The following RYR2 variants were observed in gnomAD, a reference collection of about 807,000 sequenced individuals.
RYR2 encodes the protein ryanodine receptor 2.
Under a neutral mutation model 601.1 loss-of-function variants are expected in RYR2, and 227 were observed. The ratio of observed to expected loss-of-function variants is 0.38; its 90% confidence interval spans 0.34 to 0.42. The LOEUF (loss-of-function observed/expected upper bound fraction) is 0.42. RYR2 is among the 10% of genes least tolerant of loss of function. The pLI, the probability that RYR2 is intolerant of heterozygous loss-of-function variation, is 1.00. For missense variants in RYR2, 4,646 were observed against 6,156.5 expected (o/e 0.75, Z 8.21); for synonymous variants, 2,223 against 2,175.1 (o/e 1.02, Z -0.61).
intron 19 of RYR2, among the ~76,000 whole-genome samples, chr1:237,495,805 A>C (rs1294620562): frequency 6.6e-6 from 1 of 152,148 alleles, no homozygotes; most frequent in Non-Finnish European, 1.5e-5. Flanking sequence ...GCTTAGGAAA[A>C]TTTCTCCATG....
intron 29 of RYR2, among the ~76,000 whole-genome samples, chr1:237,573,629 G>A (rs1386955612): frequency 2.0e-5 from 3 of 150,122 alleles, no homozygotes; most frequent in Non-Finnish European, 4.5e-5. Context: ...TGGCTAACAC[G>A]GTGAAACCCT....
intron 85 of RYR2, among the ~76,000 whole-genome samples, chr1:237,771,608 G>T (rs1694280622): frequency 6.6e-6 from 1 of 152,010 alleles, no homozygotes; most frequent in South Asian, 2.1e-4. Flanking sequence ...CCTGAAGGCA[G>T]GAACTCCATC....
chr1:237,614,673 A>G lies in RYR2; in HGVS notation c.5545A>G (p.Ser1849Gly). Residue 1849 changes from serine to glycine, a missense_variant, in exon 37 of 105, where the codon AGT becomes GGT. Around this residue, in one of 17 missense-constraint regions of RYR2, gnomAD observed 1,807 missense variants for 2,088.1 expected, o/e 0.87. Coordinates refer to ENST00000366574, the MANE Select transcript of RYR2 (RefSeq NM_001035.3). The surrounding 1 kb of genome is among the most constrained non-coding windows in gnomAD (Gnocchi z 4.3). The stretch of plus-strand genomic sequence containing the variant: ...GCACATCTTGCAGTTGATTGAGCCC[A>G]GTGTGTTTAAAGAAGCTGCCACTCC... ...LKHILQLIEPSVFKEAATPEE... is the reference protein window; with the variant it reads ...LKHILQLIEPGVFKEAATPEE... The G allele has an allele frequency of 6.2e-7, 1 of 1,614,020 alleles. No homozygotes were observed. The highest frequency in any genetic ancestry group is 1.1e-5 in the South Asian group (1 of 91,088).
chr1:237,415,802 G>A (rs943025844), intron 10 of RYR2, among the ~76,000 whole-genome samples: 14 of 152,166 alleles, frequency 9.2e-5, no homozygotes, highest in Admixed American at 6.5e-4. Flanking sequence ...AAACATCTGT[G>A]AGGCAATTTG....
intron 4 of RYR2, among the ~76,000 whole-genome samples, chr1:237,363,532 T>A (rs1207299257): frequency 6.6e-6 from 1 of 152,100 alleles, no homozygotes. Flanking sequence ...TATGGTATCT[T>A]TTCTCCATAG....
chr1:237,648,689 C>T (rs1218529309), intron 49 of RYR2, 76 bp downstream of exon 49: 1 of 1,426,794 alleles, frequency 7.0e-7, no homozygotes, highest in African/African-American at 1.4e-5. Flanking sequence ...TTTATATATC[C>T]ATTCATTAAT....
At chr1:237,397,139 G>A (rs1572135875) in intron 10 of RYR2, among the ~76,000 whole-genome samples, 1 of 151,918 alleles carries the variant, frequency 6.6e-6, no homozygotes, top group East Asian at 1.9e-4. Flanking sequence ...TTGGGTGGCT[G>A]AGACAGGAGA....
At chr1:237,193,352 A>C (rs1439761610) in intron 1 of RYR2, among the ~76,000 whole-genome samples, 1 of 152,160 alleles carries the variant, frequency 6.6e-6, no homozygotes, top group East Asian at 1.9e-4. Flanking sequence ...CTGTAGTCCC[A>C]GCTACTCGGG....
At chr1:237,801,968 T>C in intron 98 of RYR2, 52 bp downstream of exon 98, 1 of 1,100,360 alleles carries the variant, frequency 9.1e-7, no homozygotes, top group Non-Finnish European at 1.4e-6. Context: ...TAGATAAGAC[T>C]GTGGGAGTTC....
intron 70 of RYR2, among the ~76,000 whole-genome samples, chr1:237,710,051 C>G (rs997211570): frequency 6.6e-6 from 1 of 152,196 alleles, no homozygotes; most frequent in African/African-American, 2.4e-5. Context: ...AAGCTTCTTT[C>G]TACTGACAAT....
At position 237,651,162 on chromosome 1, in the gene RYR2, A is replaced by T. The variant is rs576893840; in HGVS notation, c.7734-249A>T. Among the ~76,000 whole-genome samples, 6 of 152,344 alleles carry T rather than the reference A, an allele frequency of 3.9e-5. No individual in the cohort carries two copies. The South Asian group carries it at 1.2e-3, about 32-fold the overall frequency. On this transcript the variant is annotated intron_variant, in intron 50 of 104. Transcript: ENST00000366574. ...AGTGGTTAGGAAAGAAAGGAGGAGA[A>T]CAGAAACATCTTCTGTATCAAAGAA...
chr1:237,628,484 T>C (rs1289368239), intron 41 of RYR2, among the ~76,000 whole-genome samples: 3 of 151,554 alleles, frequency 2.0e-5, no homozygotes, highest in Non-Finnish European at 4.4e-5. Context: ...GGTTTTTTGT[T>C]CTTGCGATAG....
chr1:237,714,335 A>C (rs77662138), intron 71 of RYR2, among the ~76,000 whole-genome samples: 1,941 of 152,354 alleles, frequency 0.013, 13 homozygotes, highest in Non-Finnish European at 0.02. Flanking sequence ...ATAGTTAATA[A>C]GTACTTAGAA....
intron 2 of RYR2, among the ~76,000 whole-genome samples, chr1:237,293,594 C>T (rs1283058228): frequency 6.6e-6 from 1 of 152,108 alleles, no homozygotes; most frequent in African/African-American, 2.4e-5. Flanking sequence ...CCCATGATCC[C>T]CCTCCTCATG....
At chr1:237,620,989 C>T (rs1404493340) in intron 38 of RYR2, among the ~76,000 whole-genome samples, 1 of 152,094 alleles carries the variant, frequency 6.6e-6, no homozygotes, top group Non-Finnish European at 1.5e-5. Flanking sequence ...GTTCATGAAA[C>T]ATTTGCTAAG....
At chr1:237,237,129 G>A (rs1167977555) in intron 1 of RYR2, among the ~76,000 whole-genome samples, 2 of 152,074 alleles carry the variant, frequency 1.3e-5, no homozygotes, top group East Asian at 3.9e-4. Flanking sequence ...CACCATGATT[G>A]TAAGTTTCCG....
At chr1:237,239,849 G>A (rs1246960917) in intron 1 of RYR2, among the ~76,000 whole-genome samples, 2 of 152,144 alleles carry the variant, frequency 1.3e-5, no homozygotes, top group African/African-American at 4.8e-5. Context: ...TAAACCAAGA[G>A]CACATCTCAC....
chr1:237,738,515 G>T (rs12145884), intron 79 of RYR2, among the ~76,000 whole-genome samples: 32,578 of 151,708 alleles, frequency 0.21, 4,451 homozygotes, highest in East Asian at 0.55. Flanking sequence ...TTCTTTTCAT[G>T]TAGTTTTCAT....
Position 237,784,396 on chromosome 1 carries a change from G to T in RYR2, c.12684G>T (p.Glu4228Asp), listed in dbSNP as rs776421571. ...AAAGCGAGAAGGAGAGGCCGGAAGA[G>T]CAGGGGCCGAGGATGGCTTTCTTCT... ...KEESEKERPEEQGPRMAFFSI... is the reference protein window; with the variant it reads ...KEESEKERPEDQGPRMAFFSI... The change falls in exon 90 of 105, where the codon GAG becomes GAT. Residue 4228 changes from glutamate to aspartate, a missense_variant. Around this residue, in one of 17 missense-constraint regions of RYR2, gnomAD observed 364 missense variants for 442.9 expected, o/e 0.82. Transcript: ENST00000366574. This position sits in a 1 kb window ranked among gnomAD's most constrained non-coding sequence, Gnocchi z 7.1. 8.1e-6 allele frequency: 13 copies of T among 1,613,974 alleles called. 1 individual carries two copies. In the South Asian group the frequency reaches 1.4e-4, roughly 18 times the overall value.
Sources: gnomAD v4.1 joint callset for allele counts (sites outside exome capture counted in the v4.1 genomes callset) on GRCh38, gnomAD v4.1.1 for gene constraint, gnomAD v4.1.1 regional missense constraint, Gnocchi (gnomAD v3.1) non-coding constraint, MANE v1.5 for transcripts, NCBI Gene and HGNC (gene_info 2026-07-23, HGNC 2026-07-21) for gene names.